Variants in SLC24A2 observed in about 807,000 individuals in gnomAD.
SLC24A2 encodes the protein solute carrier family 24 member 2.
Under a neutral mutation model 62.0 loss-of-function variants are expected in SLC24A2, and 36 were observed. That is an observed-to-expected ratio of 0.58 (90% CI 0.44 to 0.77). SLC24A2 has a LOEUF of 0.77. Among genes scored for constraint, SLC24A2 ranks in the 30% least tolerant of loss-of-function variants. The probability of loss-of-function intolerance (pLI) is 0.00; values close to 1 mark genes in which losing one functional copy is unlikely to be tolerated. For synonymous variants in SLC24A2, 358 were observed against 294.0 expected, an observed-to-expected ratio of 1.22 and a Z score of -2.23; for missense variants, 846 against 817.9, an observed-to-expected ratio of 1.03 and a Z score of -0.42.
At chr9:20,210,217 C>T in the SLC24A2 span, among the ~76,000 whole-genome samples, 4 of 152,162 alleles carry the variant, frequency 2.6e-5, no homozygotes, top group African/African-American at 7.2e-5. Flanking sequence ...CACCTACACA[C>T]CCAGACCCAG....
At chr9:19,904,769 C>T in the SLC24A2 span, among the ~76,000 whole-genome samples, 1 of 152,164 alleles carries the variant, frequency 6.6e-6, no homozygotes, top group Non-Finnish European at 1.5e-5. Flanking sequence ...TCATTTCTTA[C>T]TGAATGGATC....
intron 2 of SLC24A2, among the ~76,000 whole-genome samples, chr9:19,672,600 T>G (rs1261227060): frequency 6.8e-6 from 1 of 146,754 alleles, no homozygotes; most frequent in Non-Finnish European, 1.5e-5. Context: ...TTGCTCTTGT[T>G]TCTCTAGTTC....
At chr9:20,197,288 C>A in the SLC24A2 span, among the ~76,000 whole-genome samples, 10 of 152,106 alleles carry the variant, frequency 6.6e-5, no homozygotes, top group South Asian at 2.1e-3. Flanking sequence ...AATGTATATT[C>A]TCACAATAGG....
At chr9:20,070,940 T>C in the SLC24A2 span, among the ~76,000 whole-genome samples, 2 of 151,384 alleles carry the variant, frequency 1.3e-5, no homozygotes, top group African/African-American at 2.4e-5. Context: ...CGGTGGGAGG[T>C]GATTGGGTTA....
At chr9:20,180,970 G>A in the SLC24A2 span, among the ~76,000 whole-genome samples, 1 of 152,112 alleles carries the variant, frequency 6.6e-6, no homozygotes, top group Non-Finnish European at 1.5e-5. Context: ...TGAGAGCAGG[G>A]CTCCTCTTTG....
the SLC24A2 span, among the ~76,000 whole-genome samples, chr9:19,909,674 G>T: frequency 6.6e-6 from 1 of 152,090 alleles, no homozygotes; most frequent in Non-Finnish European, 1.5e-5. Context: ...GGTGATTAGA[G>T]TCACTCTTTT....
At chr9:19,888,476 T>G in the SLC24A2 span, among the ~76,000 whole-genome samples, 2 of 152,204 alleles carry the variant, frequency 1.3e-5, no homozygotes, top group African/African-American at 4.8e-5. Context: ...CAACCTCATG[T>G]GTAATGTGAC....
At chr9:19,797,814 G>T in the SLC24A2 span, among the ~76,000 whole-genome samples, 1 of 152,044 alleles carries the variant, frequency 6.6e-6, no homozygotes, top group Non-Finnish European at 1.5e-5. Context: ...CTTTTTGCCA[G>T]CGTGGGAAGG....
the SLC24A2 span, among the ~76,000 whole-genome samples, chr9:19,880,513 C>T: frequency 1.3e-5 from 2 of 152,138 alleles, no homozygotes; most frequent in African/African-American, 4.8e-5. Flanking sequence ...ACAGTCTCAG[C>T]ATATGTGGAA....
Position 19,789,013 on chromosome 9 carries a change from GC to G in SLC24A2, c.-283del. 1.1e-6 allele frequency: 1 copy of G among 932,770 alleles called. No individual in the cohort carries two copies. The highest frequency in any genetic ancestry group is 1.8e-5 in the African/African-American group (1 of 56,352). 57.8% of individuals were successfully genotyped at this position (932,770 alleles called of 1,614,324 possible). A position where few individuals can be genotyped will look rare whatever the true frequency, so the allele number is the denominator to read the frequency against. ...CTCGCACTGGCTGCCGCTCTCGCCA[GC>G]CGGGCTGGGTTCGGGAGGAGACTGA... On this transcript the variant is annotated 5_prime_UTR_variant, in exon 1 of 11. Coordinates refer to ENST00000341998, the MANE Select transcript of SLC24A2 (RefSeq NM_020344.4).
At chr9:19,849,712 T>C in the SLC24A2 span, among the ~76,000 whole-genome samples, 1 of 152,172 alleles carries the variant, frequency 6.6e-6, no homozygotes, top group Non-Finnish European at 1.5e-5. Flanking sequence ...CTGTCATGTA[T>C]CCAACTAAAC....
the SLC24A2 span, among the ~76,000 whole-genome samples, chr9:20,275,145 G>A: frequency 0.088 from 13,399 of 152,184 alleles, 622 homozygotes; most frequent in Middle Eastern, 0.11. Context: ...ACAGCAAGAA[G>A]TTCTCAGCAG....
the SLC24A2 span, among the ~76,000 whole-genome samples, chr9:20,258,811 T>TCTATCTAC: frequency 7.8e-6 from 1 of 127,620 alleles, no homozygotes; most frequent in Non-Finnish European, 1.6e-5. Flanking sequence ...TATCTATCTA[T>TCTATCTAC]CTACCTTATC....
At chr9:19,538,368 A>C (rs202192867) in intron 8 of SLC24A2, among the ~76,000 whole-genome samples, 1 of 138,452 alleles carries the variant, frequency 7.2e-6, no homozygotes. Flanking sequence ...ATTATTTTGA[A>C]ATACGTCCCA....
At chr9:19,942,502 C>T in the SLC24A2 span, among the ~76,000 whole-genome samples, 1 of 152,106 alleles carries the variant, frequency 6.6e-6, no homozygotes, top group East Asian at 1.9e-4. Context: ...AAGTCACAAT[C>T]CAGGTGGTGG....
At chr9:19,611,075 A>T (rs915915729) in intron 4 of SLC24A2, among the ~76,000 whole-genome samples, 4 of 152,198 alleles carry the variant, frequency 2.6e-5, no homozygotes, top group African/African-American at 4.8e-5. Flanking sequence ...TTTGCTTCTG[A>T]TATTTTCAAA....
chr9:20,272,372 C>G, the SLC24A2 span, among the ~76,000 whole-genome samples: 1 of 152,158 alleles, frequency 6.6e-6, no homozygotes, highest in African/African-American at 2.4e-5. Flanking sequence ...CGACCCGTCC[C>G]TTAATGTGGC....
At chr9:20,084,216 C>A in the SLC24A2 span, among the ~76,000 whole-genome samples, 1 of 152,204 alleles carries the variant, frequency 6.6e-6, no homozygotes, top group African/African-American at 2.4e-5. Flanking sequence ...AGCTGAATAA[C>A]TAACATTTTA....
At chr9:20,102,416 C>T in the SLC24A2 span, among the ~76,000 whole-genome samples, 1 of 151,654 alleles carries the variant, frequency 6.6e-6, no homozygotes, top group South Asian at 2.1e-4. Flanking sequence ...ACTGCATGTT[C>T]CCACTCCTAA....
Sources: gnomAD v4.1 joint callset for allele counts (sites outside exome capture counted in the v4.1 genomes callset) on GRCh38, gnomAD v4.1.1 for gene constraint, MANE v1.5 for transcripts, NCBI Gene and HGNC (gene_info 2026-07-23, HGNC 2026-07-21) for gene names.